AMMECR1: variants seen among roughly 807,000 people sequenced by gnomAD.
AMMECR1 encodes the protein AMMECR nuclear protein 1.
In AMMECR1, 3 loss-of-function variants were observed where a neutral mutation model predicts 22.5. The ratio of observed to expected loss-of-function variants is 0.13; its 90% confidence interval spans 0.06 to 0.35. The LOEUF (loss-of-function observed/expected upper bound fraction) is 0.35. Among genes scored for constraint, AMMECR1 ranks in the 10% least tolerant of loss-of-function variants. The pLI is 1.00. For missense variants in AMMECR1, 235 were observed against 278.7 expected, an observed-to-expected ratio of 0.84 and a Z score of 1.12; for synonymous variants, 130 against 116.7, an observed-to-expected ratio of 1.11 and a Z score of -0.74.
intron 1 of AMMECR1, among the ~76,000 whole-genome samples, chrX:110,281,466 T>C (rs1375354846): frequency 8.9e-6 from 1 of 112,281 alleles, no homozygotes; most frequent in Non-Finnish European, 1.9e-5. Flanking sequence ...AGGCAACACA[T>C]TACATTTAAA....
In AMMECR1 at chrX:110,290,517, T is replaced by C. The variant is rs139253047; in HGVS notation, c.474-25918A>G. On this transcript the variant is annotated intron_variant, in intron 1 of 5. Coordinates refer to ENST00000262844, the MANE Select transcript of AMMECR1 (RefSeq NM_015365.3). ...TAGAAAACACATTTTTTTTAAAAAG[T>C]ACATTTCCATTCTTGTGTGTTTGTA... 2.7e-3 allele frequency among the ~76,000 whole-genome samples: 304 copies of C among 112,219 alleles called. 1 individual carries two copies. The highest frequency in any genetic ancestry group is 4.7e-3 in the Non-Finnish European group (251 of 53,193).
chrX:110,316,860 G>A (rs1170847691), intron 1 of AMMECR1, among the ~76,000 whole-genome samples: 2 of 109,305 alleles, frequency 1.8e-5, no homozygotes, highest in Non-Finnish European at 3.8e-5. Context: ...TGGCTCTGTG[G>A]GGACAGTTCT....
At chrX:110,438,607 C>T (rs2068856398) in intron 1 of AMMECR1, among the ~76,000 whole-genome samples, 3 of 111,517 alleles carry the variant, frequency 2.7e-5, no homozygotes, top group Non-Finnish European at 5.6e-5. Flanking sequence ...ACAAATTCCT[C>T]CCGAGACTAG....
At chrX:110,346,348 T>C (rs1602915635) in intron 2 of AMMECR1, among the ~76,000 whole-genome samples, 2 of 112,317 alleles carry the variant, frequency 1.8e-5, no homozygotes, top group Middle Eastern at 9.7e-3. Flanking sequence ...CAAATGGTCA[T>C]ATAATCAATA....
intron 2 of AMMECR1, among the ~76,000 whole-genome samples, chrX:110,398,825 C>A (rs2068545155): frequency 8.9e-6 from 1 of 112,352 alleles, no homozygotes; most frequent in African/African-American, 3.2e-5. Context: ...ACATCTAAGA[C>A]CATTTAATCT....
chrX:110,350,922 A>T (rs1377806725), intron 2 of AMMECR1, among the ~76,000 whole-genome samples: 1 of 111,519 alleles, frequency 9.0e-6, no homozygotes, highest in Admixed American at 9.6e-5. Flanking sequence ...GCAGTGAGTC[A>T]TGATTGCACC....
intron 2 of AMMECR1, among the ~76,000 whole-genome samples, chrX:110,231,949 G>C (rs1045555446): frequency 9.0e-6 from 1 of 111,419 alleles, no homozygotes; most frequent in Admixed American, 9.5e-5. Context: ...AGGGATCAAT[G>C]CAACAAGAAG....
intron 2 of AMMECR1, among the ~76,000 whole-genome samples, chrX:110,423,446 C>G (rs1295845443): frequency 8.9e-6 from 1 of 112,061 alleles, no homozygotes; most frequent in Non-Finnish European, 1.9e-5. Flanking sequence ...CATGACTTCT[C>G]TGCTAGGGTT....
At chrX:110,269,146 C>T (rs1023754676) in intron 1 of AMMECR1, among the ~76,000 whole-genome samples, 1 of 111,722 alleles carries the variant, frequency 9.0e-6, no homozygotes, top group Non-Finnish European at 1.9e-5. Context: ...TCAACAGTAG[C>T]TCTAGGGAAA....
At chrX:110,412,509 A>G (rs940765131) in intron 2 of AMMECR1, among the ~76,000 whole-genome samples, 45 of 112,102 alleles carry the variant, frequency 4.0e-4, no homozygotes, top group African/African-American at 1.4e-3. Flanking sequence ...TGTGACTTCG[A>G]CCAAGTTTCT....
intron 1 of AMMECR1, among the ~76,000 whole-genome samples, chrX:110,438,895 C>G (rs909751557): frequency 1.8e-5 from 2 of 112,073 alleles, no homozygotes; most frequent in African/African-American, 3.2e-5. Flanking sequence ...AATATGCTTG[C>G]CTTCTTTTAT....
intron 2 of AMMECR1, among the ~76,000 whole-genome samples, chrX:110,378,928 C>G (rs987601176): frequency 9.0e-6 from 1 of 110,931 alleles, no homozygotes; most frequent in Non-Finnish European, 1.9e-5. Flanking sequence ...CCGTCCACCC[C>G]CCACCCCTGC....
chrX:110,424,436 C>G (rs1206376740), intron 2 of AMMECR1, among the ~76,000 whole-genome samples: 1 of 111,623 alleles, frequency 9.0e-6, no homozygotes, highest in African/African-American at 3.3e-5. Flanking sequence ...AGTTCAAACC[C>G]AGGCCTGCAT....
intron 1 of AMMECR1, among the ~76,000 whole-genome samples, chrX:110,278,119 C>A (rs1400251783): frequency 9.0e-6 from 1 of 111,685 alleles, no homozygotes; most frequent in Non-Finnish European, 1.9e-5. Flanking sequence ...CTTACCAGTA[C>A]AAATCTTGTA....
intron 2 of AMMECR1, among the ~76,000 whole-genome samples, chrX:110,241,331 C>T (rs112687606): frequency 0.03 from 3,325 of 110,621 alleles, 128 homozygotes; most frequent in African/African-American, 0.11. Context: ...GTAGATAGAC[C>T]GCTAGCCAGA....
intron 1 of AMMECR1, among the ~76,000 whole-genome samples, chrX:110,273,912 G>A (rs1182153125): frequency 3.6e-5 from 4 of 111,736 alleles, no homozygotes; most frequent in Admixed American, 9.5e-5. Flanking sequence ...GAAGTCAGGC[G>A]GTGTGATGAC....
At chrX:110,325,972 CT>C (rs1569407556) in intron 2 of AMMECR1, among the ~76,000 whole-genome samples, 1 of 110,519 alleles carries the variant, frequency 9.0e-6, no homozygotes, top group Non-Finnish European at 1.9e-5. Context: ...TCTTTTCTTC[CT>C]TTTTCTTTTG....
At chrX:110,423,642 T>G (rs890542854) in intron 2 of AMMECR1, among the ~76,000 whole-genome samples, 6 of 112,472 alleles carry the variant, frequency 5.3e-5, no homozygotes, top group Non-Finnish European at 9.4e-5. Flanking sequence ...GGAAAGGAAC[T>G]AAGGTGATCA....
chrX:110,234,290 C>G (rs1248305162), intron 2 of AMMECR1, among the ~76,000 whole-genome samples: 1 of 111,842 alleles, frequency 8.9e-6, no homozygotes, highest in Non-Finnish European at 1.9e-5. Context: ...AGGACCTCTT[C>G]AAGGAGAATT....
Sources: allele counts gnomAD v4.1 joint callset (sites outside exome capture counted in the v4.1 genomes callset), GRCh38; gene constraint gnomAD v4.1.1; transcripts MANE v1.5; gene names NCBI Gene and HGNC (gene_info 2026-07-23, HGNC 2026-07-21).